Variants in MOV10L1 observed in about 807,000 individuals in gnomAD.
MOV10L1 encodes RNA helicase Mov10l1.
MOV10L1 carries 110 observed loss-of-function variants against 143.8 expected under a neutral mutation model. That is an observed-to-expected ratio of 0.76 (90% confidence interval 0.66 to 0.90). The LOEUF (loss-of-function observed/expected upper bound fraction) is 0.90, where lower values mean the gene tolerates loss of function less well. Ranked by LOEUF, MOV10L1 falls within the 40% of genes least tolerant of loss-of-function variation. The pLI is 0.00. For missense variants in MOV10L1, 1,406 were observed against 1,526.8 expected, an observed-to-expected ratio of 0.92 and a Z score of 1.32; for synonymous variants, 593 against 581.1, an observed-to-expected ratio of 1.02 and a Z score of -0.29.
intron 6 of MOV10L1, 27 bp downstream of exon 6, chr22:50,113,815 A>T (rs1199387039): frequency 6.4e-7 from 1 of 1,551,866 alleles, no homozygotes; most frequent in South Asian, 1.2e-5. Flanking sequence ...AACATTTTCT[A>T]TAAAGCTACA....
intron 9 of MOV10L1, among the ~76,000 whole-genome samples, chr22:50,120,112 G>T (rs113471365): frequency 0.018 from 2,713 of 152,312 alleles, 38 homozygotes; most frequent in South Asian, 0.061. Flanking sequence ...TTTTCCTAAT[G>T]TGTGCTTTGC....
At chr22:50,109,354 A>G (rs1239534018) in intron 5 of MOV10L1, among the ~76,000 whole-genome samples, 1 of 151,478 alleles carries the variant, frequency 6.6e-6, no homozygotes, top group Non-Finnish European at 1.5e-5. Context: ...GTGAGACCCC[A>G]TCTCTACAAA....
intron 22 of MOV10L1, among the ~76,000 whole-genome samples, chr22:50,153,657 C>T (rs1184819352): frequency 3.3e-5 from 5 of 152,224 alleles, no homozygotes; most frequent in Non-Finnish European, 5.9e-5. Flanking sequence ...GCAGCAGCTG[C>T]GATCCCGAGC....
At chr22:50,090,420 C>A in intron 1 of MOV10L1, 1 of 1,586,712 alleles carries the variant, frequency 6.3e-7, no homozygotes, top group East Asian at 2.3e-5. Context: ...ACACCAGCCC[C>A]TCTTCCCGCC....
intron 15 of MOV10L1, among the ~76,000 whole-genome samples, chr22:50,135,411 C>T (rs2062797116): frequency 6.6e-6 from 1 of 152,094 alleles, no homozygotes; most frequent in African/African-American, 2.4e-5. Context: ...ACACACCCCG[C>T]AAATTGTTAA....
intron 3 of MOV10L1, among the ~76,000 whole-genome samples, chr22:50,107,449 C>T (rs1247430913): frequency 6.6e-6 from 1 of 152,164 alleles, no homozygotes; most frequent in Non-Finnish European, 1.5e-5. Context: ...GTGTTCATCA[C>T]CAGCTTTCTG....
intron 15 of MOV10L1, among the ~76,000 whole-genome samples, chr22:50,138,766 G>A (rs1487841012): frequency 2.6e-5 from 4 of 152,028 alleles, no homozygotes; most frequent in African/African-American, 4.8e-5. Context: ...GTGCAGTGGC[G>A]GATCTCGGCT....
chr22:50,090,157 C>A lies in MOV10L1; in HGVS notation c.69C>A (p.Ala23=), dbSNP rs1357951757. 2 of 1,421,922 alleles carry A rather than the reference C, an allele frequency of 1.4e-6. No homozygotes were observed. Among genetic ancestry groups the A allele is most frequent in the Non-Finnish European group, 1.8e-6 (2 of 1,089,968 alleles). The allele number at this position is 1,421,922 out of a possible 1,614,324, so 88.1% of individuals were successfully genotyped here. The stretch of plus-strand genomic sequence containing the variant: ...CGGCGGACACCCCTAGGGAGGAAGC[C>A]GGGCAGCTGGAGCCCGAGCTCGCGG... ...WRTADTPREE[A]GQLEPELAEG... The change falls in exon 1 of 27, where the codon GCC becomes GCA. Residue 23 remains alanine (A), a synonymous_variant. Coordinates refer to ENST00000262794, the MANE Select transcript of MOV10L1 (RefSeq NM_018995.3).
At position 50,160,803 on chromosome 22, in the gene MOV10L1, G is replaced by A. The variant is rs1186493688; in HGVS notation, c.3440G>A (p.Gly1147Glu). The part of the protein sequence containing the change: ...TRPKALLIVL[G>E]NPHVLVRDPC... ...CCCAAAGCTTTGCTGATAGTGCTGG[G>A]AAACCCCCATGTTCTCGTTCGAGTG... The change falls in exon 25 of 27, where the codon GGA becomes GAA. Residue 1147 changes from glycine to glutamate, a missense_variant. Coordinates refer to ENST00000262794, the MANE Select transcript of MOV10L1 (RefSeq NM_018995.3). The A allele has an allele frequency of 3.1e-6, 5 of 1,613,938 alleles. No homozygotes were observed. The Admixed American group carries it at 6.7e-5, about 22-fold the overall frequency.
rs540977071 is a variant in MOV10L1 at position 50,142,321 on chromosome 22, C to T, written c.2179+132C>T. On this transcript the variant is annotated intron_variant, in intron 16 of 26. Transcript: ENST00000262794. ...CGTGTGGCCTGTGACAGGCGGCTGCCGTCTCCACCCTGACTGGAGACTTGG... is the reference window on the plus strand; with the variant it reads ...CGTGTGGCCTGTGACAGGCGGCTGCTGTCTCCACCCTGACTGGAGACTTGG... The T allele has an allele frequency of 1.7e-4, 97 of 578,202 alleles. No homozygotes were observed. The East Asian group carries it at 2.8e-3, about 17-fold the overall frequency. The allele number at this position is 578,202 out of a possible 1,614,324, so 35.8% of individuals were successfully genotyped here.
Position 50,160,844 on chromosome 22 carries a change from G to A in MOV10L1, c.3462+19G>A, listed in dbSNP as rs202169137. ...CGTTCGAGTGAGTTTTCAGGCACTG[G>A]GTGGGCTGTGATCACTTAAGGAGGG... On this transcript the variant is annotated intron_variant, in intron 25 of 26. Transcript: ENST00000262794. 61 of 1,613,758 alleles carry A rather than the reference G, an allele frequency of 3.8e-5. No homozygotes were observed. The highest frequency in any genetic ancestry group is 8.3e-5 in the Admixed American group (5 of 59,980).
chr22:50,092,749 A>G (rs2062484289), intron 2 of MOV10L1: 1 of 152,480 alleles, frequency 6.6e-6, no homozygotes, highest in Non-Finnish European at 1.5e-5. Flanking sequence ...TAGCAATTAT[A>G]TATCCATTAT....
intron 15 of MOV10L1, among the ~76,000 whole-genome samples, chr22:50,137,454 T>C (rs971084782): frequency 3.9e-5 from 6 of 151,954 alleles, no homozygotes; most frequent in Non-Finnish European, 8.8e-5. Flanking sequence ...ATAGAAACTA[T>C]CTAACATGGA....
rs2062471262 is a variant in MOV10L1 at position 50,125,458 on chromosome 22, G to T, written c.1636G>T (p.Glu546Ter). 6.2e-7 allele frequency: 1 copy of T among 1,614,096 alleles called. No individual in the cohort carries two copies. ...TLLWLEEIYAEMELKEYNMSG... is the reference protein window; with the variant it reads ...TLLWLEEIYA ...GCTGTGGCTTGAGGAGATTTATGCA[G>T]AAATGGAACTGAAAGAGTATAACAT... The change falls in exon 11 of 27, where the codon GAA becomes TAA. Residue 546 changes from glutamate to a stop codon, truncating the protein, a stop_gained. Transcript: ENST00000262794. LOFTEE classifies it high-confidence loss of function.
intron 7 of MOV10L1, 86 bp downstream of exon 7, chr22:50,114,708 A>G (rs985686215): frequency 1.4e-5 from 22 of 1,554,262 alleles, no homozygotes; most frequent in African/African-American, 1.2e-4. Flanking sequence ...GGCGGGCAGC[A>G]GGGGCCAGGA....
chr22:50,106,708 T>TC (rs1382508243), intron 3 of MOV10L1, among the ~76,000 whole-genome samples: 5 of 149,802 alleles, frequency 3.3e-5, no homozygotes, highest in Admixed American at 2.7e-4. Context: ...TCTTTTTTTT[T>TC]TTTTTTTTTT....
intron 17 of MOV10L1, 77 bp from the exon 18 acceptor site, chr22:50,144,020 G>A (rs2063065263): frequency 6.5e-7 from 1 of 1,546,492 alleles, no homozygotes; most frequent in African/African-American, 1.4e-5. Flanking sequence ...CCGAATGTGT[G>A]TGTTGAGGTT....
intron 15 of MOV10L1, among the ~76,000 whole-genome samples, chr22:50,137,216 T>G (rs539466393): frequency 2.8e-4 from 43 of 152,078 alleles, no homozygotes; most frequent in African/African-American, 1.0e-3. Flanking sequence ...CGAAATAACA[T>G]GGTGGAATTA....
intron 4 of MOV10L1, 146 bp downstream of exon 4, chr22:50,108,394 T>C (rs1390296323): frequency 4.8e-6 from 4 of 832,766 alleles, no homozygotes; most frequent in Non-Finnish European, 8.0e-6. Flanking sequence ...TGTTTTCCTA[T>C]TGACAATGCT....
Sources: gnomAD v4.1 joint callset for allele counts (sites outside exome capture counted in the v4.1 genomes callset) on GRCh38, gnomAD v4.1.1 for gene constraint, MANE v1.5 for transcripts, NCBI Gene and HGNC (gene_info 2026-07-23, HGNC 2026-07-21) for gene names.